CCDC33: variants seen among roughly 807,000 people sequenced by gnomAD.
The protein encoded by CCDC33 is coiled-coil domain-containing protein 33.
A neutral mutation model predicts 91.9 loss-of-function variants in CCDC33; 94 were observed. That is an observed-to-expected ratio of 1.02 (90% CI 0.87 to 1.21). CCDC33 has a LOEUF of 1.21. Ranked by LOEUF, CCDC33 falls within the 50% of genes most tolerant of loss-of-function variation. CCDC33 has a pLI of 0.00. For missense variants in CCDC33, 940 were observed against 935.5 expected (o/e 1.00, Z -0.06); for synonymous variants, 396 against 374.5 (o/e 1.06, Z -0.66).
intron 1 of CCDC33, among the ~76,000 whole-genome samples, chr15:74,241,583 C>G (rs2075350305): frequency 6.6e-6 from 1 of 152,230 alleles, no homozygotes; most frequent in South Asian, 2.1e-4. Flanking sequence ...CTGAGAGAAG[C>G]AGCAAGCTAC....
At chr15:74,319,597 A>G (rs2060164705) in intron 11 of CCDC33, 1 of 152,404 alleles carries the variant, frequency 6.6e-6, no homozygotes, top group Non-Finnish European at 1.5e-5. Context: ...AGGAGTCATG[A>G]CTGATGGCCT....
chr15:74,248,206 C>A (rs193281382), intron 2 of CCDC33, among the ~76,000 whole-genome samples: 4 of 152,022 alleles, frequency 2.6e-5, no homozygotes, highest in African/African-American at 9.7e-5. Flanking sequence ...ATGATCACTG[C>A]GGAAAGTATA....
At chr15:74,304,341 A>C (rs562804384) in intron 11 of CCDC33, 1 of 152,058 alleles carries the variant, frequency 6.6e-6, no homozygotes, top group African/African-American at 2.4e-5. Flanking sequence ...GGAAGCAAAA[A>C]TCCCCCAGGC....
upstream of CCDC33, among the ~76,000 whole-genome samples, chr15:74,232,902 C>T (rs1361671459): frequency 6.6e-6 from 1 of 152,190 alleles, no homozygotes; most frequent in East Asian, 1.9e-4. Flanking sequence ...GTCTGCATGT[C>T]TCCACCAGCG....
rs942873564 is a variant in CCDC33 at position 74,330,675 on chromosome 15, A to C, written c.1469A>C (p.Gln490Pro). 7.4e-6 allele frequency: 12 copies of C among 1,613,410 alleles called. No individual in the cohort carries two copies. In the African/African-American group the frequency reaches 1.6e-4, roughly 22 times the overall value. The part of the protein sequence containing the change: ...SEAQNTVSMK[Q>P]KLLLSELDMK... The stretch of plus-strand genomic sequence containing the variant: ...ACCCACCTAACAGTGTCCATGAAGC[A>C]GAAACTGCTGCTGAGTGAGCTGGAT... Residue 490 changes from glutamine (Q) to proline (P), a missense_variant, in exon 13 of 19, where the codon CAG becomes CCG. Physicochemically the swap from Gln to Pro is moderately conservative, Grantham distance 76 (BLOSUM62 -1). Coordinates refer to ENST00000398814, the MANE Select transcript of CCDC33 (RefSeq NM_025055.5).
rs1025292167 is a variant in CCDC33 at position 74,244,743 on chromosome 15, C to T, written c.185+595C>T. 6.6e-6 allele frequency among the ~76,000 whole-genome samples: 1 copy of T among 152,222 alleles called. No individual in the cohort carries two copies. Among genetic ancestry groups the T allele is most frequent in the African/African-American group, 2.4e-5 (1 of 41,460 alleles). ...ACGTCTATGCCCACCTCACGGGTCT[C>T]ACTTCTTCCAGAAAGGCGCCAAGGG... On this transcript the variant is annotated intron_variant, in intron 2 of 18. Coordinates refer to ENST00000398814, the MANE Select transcript of CCDC33 (RefSeq NM_025055.5). The surrounding 1 kb of genome is among the most constrained non-coding windows in gnomAD (Gnocchi z 4.2).
intron 2 of CCDC33, among the ~76,000 whole-genome samples, chr15:74,223,401 C>G (rs1005091442): frequency 6.6e-6 from 1 of 152,132 alleles, no homozygotes; most frequent in Non-Finnish European, 1.5e-5. Context: ...CTGGGGTTCC[C>G]CCTCCTCCTC....
intron 7 of CCDC33, among the ~76,000 whole-genome samples, chr15:74,274,900 G>A (rs1208412259): frequency 6.6e-6 from 1 of 152,260 alleles, no homozygotes; most frequent in African/African-American, 2.4e-5. Flanking sequence ...AGCTGGGCCA[G>A]GTTGGGAATT....
Position 74,236,509 on chromosome 15 carries a change from G to GCCC in CCDC33, c.-209_-208insCCC. On this transcript the variant is annotated 5_prime_UTR_variant, in exon 1 of 19. Coordinates refer to ENST00000398814, the MANE Select transcript of CCDC33 (RefSeq NM_025055.5). ...GAGATCCAGGACCTGCTCCCACCTGGCCACCCTCCCCCTCCCCCCACATCC... is the reference window on the plus strand; with the variant it reads ...GAGATCCAGGACCTGCTCCCACCTGGCCCCCACCCTCCCCCTCCCCCCACATCC... The GCCC allele has an allele frequency of 5.2e-6, 2 of 382,794 alleles. No homozygotes were observed. The highest frequency in any genetic ancestry group is 4.8e-5 in the East Asian group (1 of 20,772). 23.7% of individuals were successfully genotyped at this position (382,794 alleles called of 1,614,324 possible). A position where few individuals can be genotyped will look rare whatever the true frequency, so the allele number is the denominator to read the frequency against.
chr15:74,204,281 T>A (rs2074204968), intron 1 of CCDC33, among the ~76,000 whole-genome samples: 1 of 152,130 alleles, frequency 6.6e-6, no homozygotes, highest in South Asian at 2.1e-4. Flanking sequence ...CTCCCACCCC[T>A]CCTCCTGCCT....
chr15:74,239,376 T>C (rs3843700), intron 1 of CCDC33, among the ~76,000 whole-genome samples: 83,424 of 152,024 alleles, frequency 0.55, 25,457 homozygotes, highest in Non-Finnish European at 0.7. Flanking sequence ...CCTCTCACCC[T>C]AGCCCTTCCC....
At chr15:74,272,711 T>C (rs1294166024) in intron 6 of CCDC33, 60 bp from the exon 7 acceptor site, 1 of 1,595,282 alleles carries the variant, frequency 6.3e-7, no homozygotes, top group African/African-American at 1.3e-5. Context: ...CGGGGGGCCC[T>C]GGGCTGCCAG....
Position 74,236,358 on chromosome 15 carries a change from C to G in CCDC33, c.-362C>G, listed in dbSNP as rs540004438. ...TCCAGGCCTGGGCAGAGACAGGGCC[C>G]CCCTGCCCCATCTCTCCACCGTCCT... On this transcript the variant is annotated 5_prime_UTR_variant, in exon 1 of 19. Transcript: ENST00000398814. The G allele has an allele frequency of 6.2e-5, 16 of 259,362 alleles. No individual in the cohort carries two copies. The East Asian group carries it at 1.1e-3, about 18-fold the overall frequency. The allele number at this position is 259,362 out of a possible 1,614,324, so 16.1% of individuals were successfully genotyped here.
At chr15:74,326,892 G>A (rs936997486) in intron 11 of CCDC33, among the ~76,000 whole-genome samples, 2 of 152,192 alleles carry the variant, frequency 1.3e-5, no homozygotes, top group Non-Finnish European at 2.9e-5. Flanking sequence ...GGGCTGTGAC[G>A]CAGAGCATGG....
At chr15:74,247,152 A>C (rs1407567825) in intron 2 of CCDC33, among the ~76,000 whole-genome samples, 1 of 151,922 alleles carries the variant, frequency 6.6e-6, no homozygotes, top group Non-Finnish European at 1.5e-5. Context: ...TCTCAAAAAA[A>C]AAAAGTAAAA....
intron 7 of CCDC33, among the ~76,000 whole-genome samples, chr15:74,279,276 A>G (rs2076527796): frequency 6.6e-6 from 1 of 152,208 alleles, no homozygotes; most frequent in Non-Finnish European, 1.5e-5. Flanking sequence ...CATATCCTGA[A>G]GTTACTCAAG....
At chr15:74,330,113 T>G in intron 11 of CCDC33, 76 bp from the exon 12 acceptor site, 1 of 1,483,308 alleles carries the variant, frequency 6.7e-7, no homozygotes, top group Non-Finnish European at 9.0e-7. Context: ...CCCACTGACT[T>G]TCAAGTGTAG....
At chr15:74,269,049 T>G (rs57622624) in intron 5 of CCDC33, among the ~76,000 whole-genome samples, 35,854 of 152,192 alleles carry the variant, frequency 0.24, 4,823 homozygotes, top group South Asian at 0.36. Flanking sequence ...TGAGCCCACC[T>G]TGGGCCTGGC....
intron 4 of CCDC33, 60 bp from the exon 5 acceptor site, chr15:74,268,282 A>G: frequency 8.2e-7 from 1 of 1,216,884 alleles, no homozygotes; most frequent in South Asian, 1.2e-5. Context: ...ATTTATGGCC[A>G]GGATCTGCCC....
Sources: gnomAD v4.1 joint callset for allele counts (sites outside exome capture counted in the v4.1 genomes callset) on GRCh38, gnomAD v4.1.1 for gene constraint, Gnocchi (gnomAD v3.1) non-coding constraint, MANE v1.5 for transcripts, NCBI Gene and HGNC (gene_info 2026-07-23, HGNC 2026-07-21) for gene names.